KALRN: variants seen among roughly 807,000 people sequenced by gnomAD.
KALRN encodes the protein kalirin.
In KALRN, 70 loss-of-function variants were observed where a neutral mutation model predicts 353.7. That is an observed-to-expected ratio of 0.20 (90% confidence interval 0.16 to 0.24). The LOEUF (loss-of-function observed/expected upper bound fraction) is 0.24, where lower values mean the gene tolerates loss of function less well. Ranked by LOEUF, KALRN falls within the 10% of genes least tolerant of loss-of-function variation. KALRN has a pLI of 1.00. For synonymous variants in KALRN, 1,391 were observed against 1,434.8 expected, an observed-to-expected ratio of 0.97 and a Z score of 0.69; for missense variants, 2,791 against 3,756.7, an observed-to-expected ratio of 0.74 and a Z score of 6.72.
chr3:124,424,245 A>T lies in KALRN; in HGVS notation c.2709+1267A>T, dbSNP rs181206962. Among the ~76,000 whole-genome samples, 15 of 150,878 alleles carry T rather than the reference A, an allele frequency of 9.9e-5. 1 individual carries two copies. In the South Asian group the frequency reaches 3.1e-3, roughly 32 times the overall value. On this transcript the variant is annotated intron_variant, in intron 15 of 59. Transcript: ENST00000682506. Reference sequence around the variant, plus strand: ...CCCAAATCATCCTAAGCAAAAAACCATCTTTCTTTTAAACATTTTTTTTTC... The same window carrying T: ...CCCAAATCATCCTAAGCAAAAAACCTTCTTTCTTTTAAACATTTTTTTTTC...
intron 1 of KALRN, among the ~76,000 whole-genome samples, chr3:124,115,623 G>T (rs186402053): frequency 6.6e-6 from 1 of 152,236 alleles, no homozygotes; most frequent in East Asian, 1.9e-4. Context: ...TAGAGGGTGT[G>T]TCCCTTGATT....
chr3:124,474,227 TAGAA>T (rs1350706173), intron 25 of KALRN, among the ~76,000 whole-genome samples: 1 of 152,200 alleles, frequency 6.6e-6, no homozygotes, highest in African/African-American at 2.4e-5. Context: ...GGCCAAAAAT[TAGAA>T]AGAGGCCAGT....
chr3:124,403,773 G>A (rs1486360550), intron 13 of KALRN, among the ~76,000 whole-genome samples: 3 of 152,156 alleles, frequency 2.0e-5, no homozygotes, highest in Non-Finnish European at 4.4e-5. Flanking sequence ...CATTTGGTGA[G>A]CACCTCCTTA....
intron 10 of KALRN, among the ~76,000 whole-genome samples, chr3:124,382,156 A>G (rs1288403539): frequency 6.6e-6 from 1 of 152,222 alleles, no homozygotes; most frequent in African/African-American, 2.4e-5. Flanking sequence ...TGATGGCTGC[A>G]TCAACTTCAT....
chr3:124,194,468 A>C (rs2075242036), intron 1 of KALRN, among the ~76,000 whole-genome samples: 2 of 151,080 alleles, frequency 1.3e-5, no homozygotes, highest in South Asian at 4.2e-4. Context: ...GGTGGTAGTG[A>C]TAGAACTACC....
At chr3:124,606,123 T>C (rs1513292) in intron 34 of KALRN, among the ~76,000 whole-genome samples, 90,759 of 152,064 alleles carry the variant, frequency 0.6, 27,302 homozygotes, top group East Asian at 0.83. Context: ...GCAAATTTTA[T>C]TGAACTTAAG....
chr3:124,462,808 C>T (rs1047304177), intron 25 of KALRN, 175 bp downstream of exon 25: 67 of 550,624 alleles, frequency 1.2e-4, no homozygotes, highest in African/African-American at 1.2e-3. Flanking sequence ...GTCCGAAAGT[C>T]CTAGTGGAGA....
chr3:124,291,332 T>C (rs1451224180), intron 5 of KALRN, among the ~76,000 whole-genome samples: 2 of 152,224 alleles, frequency 1.3e-5, no homozygotes, highest in Non-Finnish European at 1.5e-5. Flanking sequence ...GTATTTGCAG[T>C]TCACTTACAG....
chr3:124,483,819 A>G (rs1278017398), intron 28 of KALRN, among the ~76,000 whole-genome samples: 2 of 152,208 alleles, frequency 1.3e-5, no homozygotes, highest in Non-Finnish European at 2.9e-5. Flanking sequence ...TAAAAGTTAA[A>G]TAACCAAATA....
chr3:124,454,144 C>G (rs2059068665), intron 21 of KALRN, among the ~76,000 whole-genome samples: 2 of 152,218 alleles, frequency 1.3e-5, no homozygotes, highest in African/African-American at 4.8e-5. Context: ...CTAATGGAAA[C>G]TAAAGACAAG....
chr3:124,232,830 T>C (rs1487687328), intron 2 of KALRN, among the ~76,000 whole-genome samples: 1 of 152,028 alleles, frequency 6.6e-6, no homozygotes, highest in Non-Finnish European at 1.5e-5. Context: ...CATTCATTAA[T>C]GGACACTATG....
At chr3:124,295,421 G>A (rs1169757054) in intron 5 of KALRN, among the ~76,000 whole-genome samples, 2 of 152,162 alleles carry the variant, frequency 1.3e-5, no homozygotes, top group African/African-American at 4.8e-5. Context: ...ATTCAGCAAG[G>A]TGCACAGTTC....
intron 1 of KALRN, among the ~76,000 whole-genome samples, chr3:124,158,931 C>T (rs966491653): frequency 6.6e-6 from 1 of 152,186 alleles, no homozygotes; most frequent in Admixed American, 6.5e-5. Context: ...CTTAGTCAAA[C>T]TCCCCAGTTG....
At chr3:124,692,259 G>A (rs991565035) in intron 51 of KALRN, among the ~76,000 whole-genome samples, 9 of 152,266 alleles carry the variant, frequency 5.9e-5, no homozygotes, top group African/African-American at 1.9e-4. Flanking sequence ...GAGACTAGCA[G>A]AGGGCATTGC....
chr3:124,512,591 C>T (rs2066050492), intron 33 of KALRN, among the ~76,000 whole-genome samples: 1 of 151,966 alleles, frequency 6.6e-6, no homozygotes, highest in Admixed American at 6.5e-5. Context: ...GCAGAGGTTG[C>T]AGTGAGCTGA....
chr3:124,581,716 G>A (rs1463007952), intron 34 of KALRN, among the ~76,000 whole-genome samples: 6 of 152,194 alleles, frequency 3.9e-5, no homozygotes, highest in Non-Finnish European at 1.5e-5. Flanking sequence ...GAGGGATTGG[G>A]TGGGTAAACC....
chr3:124,516,687 G>A (rs1577655861), intron 33 of KALRN, among the ~76,000 whole-genome samples: 1 of 150,376 alleles, frequency 6.6e-6, no homozygotes, highest in East Asian at 1.9e-4. Context: ...TGGTGTGTGT[G>A]GGGGTGTCTA....
At chr3:124,378,127 C>T (rs544461285) in intron 10 of KALRN, among the ~76,000 whole-genome samples, 6 of 151,930 alleles carry the variant, frequency 3.9e-5, no homozygotes, top group African/African-American at 9.6e-5. Flanking sequence ...CTTTTCCTCC[C>T]TTTTTTTGCT....
chr3:124,693,178 T>G (rs1250189879), intron 51 of KALRN, among the ~76,000 whole-genome samples: 4 of 152,264 alleles, frequency 2.6e-5, no homozygotes, highest in Admixed American at 2.6e-4. Context: ...AGTTGCCCCA[T>G]GCAGGCCTGG....
Sources: gnomAD v4.1 joint callset for allele counts (sites outside exome capture counted in the v4.1 genomes callset) on GRCh38, gnomAD v4.1.1 for gene constraint, MANE v1.5 for transcripts, NCBI Gene and HGNC (gene_info 2026-07-23, HGNC 2026-07-21) for gene names.